The following FHIT variants were observed in gnomAD, a reference collection of about 807,000 sequenced individuals.
FHIT encodes the protein bis(5'-adenosyl)-triphosphatase.
FHIT carries 19 observed loss-of-function variants against 17.9 expected under a neutral mutation model. The observed-to-expected ratio is 1.06, with a 90% confidence interval of 0.74 to 1.56. FHIT has a LOEUF of 1.56. FHIT is among the 40% of genes most tolerant of loss of function. FHIT has a pLI of 0.00. For synonymous variants in FHIT, 81 were observed against 69.7 expected, an observed-to-expected ratio of 1.16 and a Z score of -0.81; for missense variants, 248 against 189.2, an observed-to-expected ratio of 1.31 and a Z score of -1.82.
intron 5 of FHIT, among the ~76,000 whole-genome samples, chr3:60,356,041 G>A (rs6778312): frequency 0.3 from 45,370 of 152,082 alleles, 7,816 homozygotes; most frequent in South Asian, 0.45. Flanking sequence ...ACTGTGCCAT[G>A]AAAGAACACT....
Position 60,336,709 on chromosome 3 carries a change from G to C in FHIT, c.103+200151C>G, listed in dbSNP as rs533008928. On this transcript the variant is annotated intron_variant, in intron 5 of 9. Transcript: ENST00000492590. ...TACTGGCATAGTAGACAGAACAGTG[G>C]AGAACATTTCCAGCACTGCAGAAAG... Among the ~76,000 whole-genome samples the C allele has an allele frequency of 1.1e-3, 174 of 152,216 alleles. 2 individuals carry two copies. Among genetic ancestry groups the C allele is most frequent in the African/African-American group, 4.1e-3 (172 of 41,538 alleles).
At chr3:60,803,731 AG>A (rs1701283496) in intron 4 of FHIT, among the ~76,000 whole-genome samples, 1 of 152,068 alleles carries the variant, frequency 6.6e-6, no homozygotes, top group Non-Finnish European at 1.5e-5. Flanking sequence ...CTTGTTTTGC[AG>A]TGCCAGCTAG....
At chr3:59,905,726 G>A (rs1422089275) in intron 8 of FHIT, among the ~76,000 whole-genome samples, 3 of 152,078 alleles carry the variant, frequency 2.0e-5, no homozygotes, top group Admixed American at 2.0e-4. Flanking sequence ...ATCCAGAAAA[G>A]CCTATAAAAG....
intron 4 of FHIT, among the ~76,000 whole-genome samples, chr3:60,768,199 G>GA (rs1336258301): frequency 6.6e-6 from 1 of 152,144 alleles, no homozygotes; most frequent in Non-Finnish European, 1.5e-5. Flanking sequence ...ACACTGCCTG[G>GA]AAAAATAGTT....
chr3:61,015,694 G>A (rs1388268070), intron 3 of FHIT, among the ~76,000 whole-genome samples: 2 of 152,160 alleles, frequency 1.3e-5, no homozygotes, highest in Non-Finnish European at 2.9e-5. Flanking sequence ...ATGAAGGAAT[G>A]TGGTTCAATC....
chr3:59,968,814 T>C (rs1025904557), intron 7 of FHIT, among the ~76,000 whole-genome samples: 2 of 152,216 alleles, frequency 1.3e-5, no homozygotes, highest in Non-Finnish European at 2.9e-5. Flanking sequence ...CAAATGCTTT[T>C]GAGAGATGCT....
intron 5 of FHIT, among the ~76,000 whole-genome samples, chr3:60,331,413 C>T (rs571385841): frequency 1.3e-5 from 2 of 152,254 alleles, no homozygotes; most frequent in South Asian, 2.1e-4. Flanking sequence ...ACCTTAGTCA[C>T]CTTGGGGTCA....
chr3:59,937,929 G>T (rs946315146), intron 7 of FHIT, among the ~76,000 whole-genome samples: 3 of 152,218 alleles, frequency 2.0e-5, no homozygotes, highest in Admixed American at 1.3e-4. Flanking sequence ...AAGTGAGCAG[G>T]TATTTACGTC....
At chr3:60,744,594 T>C (rs886374714) in intron 4 of FHIT, among the ~76,000 whole-genome samples, 1 of 152,190 alleles carries the variant, frequency 6.6e-6, no homozygotes, top group African/African-American at 2.4e-5. Context: ...TGTCCCCACA[T>C]CTAACCAAAA....
chr3:60,879,860 A>T (rs1704871070), intron 3 of FHIT, among the ~76,000 whole-genome samples: 1 of 151,924 alleles, frequency 6.6e-6, no homozygotes, highest in Non-Finnish European at 1.5e-5. Flanking sequence ...AATAAGAAAG[A>T]AAAAGAGTTT....
intron 5 of FHIT, among the ~76,000 whole-genome samples, chr3:60,370,961 C>T (rs926741239): frequency 6.6e-6 from 1 of 152,206 alleles, no homozygotes; most frequent in African/African-American, 2.4e-5. Context: ...AATTTACATC[C>T]TAGTTGCCCA....
rs145347870 is a variant in FHIT, at chr3:60,589,595, C to T, written c.-17-52616G>A. ...ACACTCTTCTTCATATGGCTTTGTC[C>T]ACGTCGGGGGATATATTTTTAAGAT... On this transcript the variant is annotated intron_variant, in intron 4 of 9. Transcript: ENST00000492590. Among the ~76,000 whole-genome samples the T allele has an allele frequency of 4.6e-3, 695 of 152,070 alleles. 4 individuals carry two copies. Among genetic ancestry groups the T allele is most frequent in the African/African-American group, 0.016 (671 of 41,490 alleles).
rs117698114 is a variant in FHIT, at chr3:60,485,243, T to C, written c.103+51617A>G. ...ATTCAACCTCTGTGGGAAGACAGTA[T>C]AGTGATTCCTCAAGGATCTAGAACA... On this transcript the variant is annotated intron_variant, in intron 5 of 9. Transcript: ENST00000492590. Among the ~76,000 whole-genome samples the C allele has an allele frequency of 1.1e-3, 168 of 152,294 alleles. 2 individuals carry two copies. Among genetic ancestry groups the C allele is most frequent in the East Asian group, 7.7e-3 (40 of 5,182 alleles).
chr3:59,783,422 T>C (rs1200448248), intron 8 of FHIT, among the ~76,000 whole-genome samples: 1 of 152,054 alleles, frequency 6.6e-6, no homozygotes, highest in East Asian at 1.9e-4. Flanking sequence ...TGAGACCAAA[T>C]CATGCCACTG....
At chr3:60,078,815 G>C (rs527986292) in intron 5 of FHIT, among the ~76,000 whole-genome samples, 1 of 151,480 alleles carries the variant, frequency 6.6e-6, no homozygotes, top group African/African-American at 2.4e-5. Flanking sequence ...AGGTGAGAGA[G>C]AGAAAATATA....
intron 2 of FHIT, among the ~76,000 whole-genome samples, chr3:61,063,181 G>C (rs548541849): frequency 7.1e-6 from 1 of 140,632 alleles, no homozygotes; most frequent in Non-Finnish European, 1.5e-5. Flanking sequence ...GTGTAAACCC[G>C]GGAGGCAGAG....
intron 5 of FHIT, among the ~76,000 whole-genome samples, chr3:60,067,322 T>TTGAATGAATGAATGAA (rs4024132): frequency 6.6e-6 from 1 of 151,262 alleles, no homozygotes; most frequent in Non-Finnish European, 1.5e-5. Flanking sequence ...CAAATATGTA[T>TTGAATGAATGAATGAA]TGAATGAATG....
At chr3:60,627,695 C>T (rs980385755) in intron 4 of FHIT, among the ~76,000 whole-genome samples, 2 of 151,846 alleles carry the variant, frequency 1.3e-5, no homozygotes, top group Non-Finnish European at 2.9e-5. Flanking sequence ...GGCTAATTTT[C>T]GTATTTTTAG....
chr3:60,274,174 A>G (rs1377861441), intron 5 of FHIT, among the ~76,000 whole-genome samples: 1 of 152,080 alleles, frequency 6.6e-6, no homozygotes, highest in Non-Finnish European at 1.5e-5. Flanking sequence ...ACGATTTTAT[A>G]ATATCAGATA....
Sources: allele counts gnomAD v4.1 joint callset (sites outside exome capture counted in the v4.1 genomes callset), GRCh38; gene constraint gnomAD v4.1.1; transcripts MANE v1.5; gene names NCBI Gene and HGNC (gene_info 2026-07-23, HGNC 2026-07-21).